KHDRBS2: variants seen among roughly 807,000 people sequenced by gnomAD.
KHDRBS2 encodes the protein KH domain-containing, RNA-binding, signal transduction-associated protein 2.
Under a neutral mutation model 44.3 loss-of-function variants are expected in KHDRBS2, and 26 were observed. The observed-to-expected ratio is 0.59, with a 90% confidence interval of 0.43 to 0.81. The LOEUF (loss-of-function observed/expected upper bound fraction) is 0.81, where lower values mean the gene tolerates loss of function less well. KHDRBS2 is among the 40% of genes least tolerant of loss of function. KHDRBS2 has a pLI of 0.00. For missense variants in KHDRBS2, 476 were observed against 433.1 expected (o/e 1.10, Z -0.88); for synonymous variants, 194 against 151.1 (o/e 1.28, Z -2.08).
the KHDRBS2 span, among the ~76,000 whole-genome samples, chr6:61,550,335 C>T: frequency 2.0e-5 from 3 of 152,084 alleles, no homozygotes; most frequent in Non-Finnish European, 4.4e-5. Context: ...AGGATACTAT[C>T]GTCCAGTTCT....
chr6:61,705,363 A>G (rs1769347417), intron 7 of KHDRBS2, among the ~76,000 whole-genome samples: 1 of 151,848 alleles, frequency 6.6e-6, no homozygotes, highest in Non-Finnish European at 1.5e-5. Flanking sequence ...CAAGAAACAA[A>G]AATAACCATA....
At chr6:61,827,049 G>A (rs1244808965) in intron 6 of KHDRBS2, among the ~76,000 whole-genome samples, 1 of 152,140 alleles carries the variant, frequency 6.6e-6, no homozygotes, top group African/African-American at 2.4e-5. Context: ...ATATATGACA[G>A]CCATGTCAAT....
chr6:61,967,932 G>GTGTA (rs1770445177), intron 4 of KHDRBS2, among the ~76,000 whole-genome samples: 1 of 117,014 alleles, frequency 8.5e-6, no homozygotes, highest in Non-Finnish European at 1.7e-5. Context: ...ATACACACAC[G>GTGTA]TATATATATA....
intron 2 of KHDRBS2, among the ~76,000 whole-genome samples, chr6:62,139,440 T>C (rs1015978158): frequency 3.3e-5 from 5 of 151,444 alleles, no homozygotes; most frequent in Non-Finnish European, 5.9e-5. Flanking sequence ...GTAGTCCCAG[T>C]TACTTGGGAG....
chr6:61,820,277 A>T (rs1281710029), intron 6 of KHDRBS2, among the ~76,000 whole-genome samples: 1 of 152,082 alleles, frequency 6.6e-6, no homozygotes, highest in Non-Finnish European at 1.5e-5. Context: ...ATGATGGCTC[A>T]GATCAGACCA....
chr6:61,664,763 T>A, the KHDRBS2 span, among the ~76,000 whole-genome samples: 1 of 151,734 alleles, frequency 6.6e-6, no homozygotes, highest in African/African-American at 2.4e-5. Flanking sequence ...CAATGAGTTT[T>A]TCATTCTTTA....
chr6:62,199,075 AT>A (rs934971924), intron 1 of KHDRBS2, among the ~76,000 whole-genome samples: 2 of 152,220 alleles, frequency 1.3e-5, no homozygotes. Flanking sequence ...TTAGGTATTA[AT>A]GGGACGTATT....
At chr6:61,861,852 A>T (rs1403555142) in intron 6 of KHDRBS2, among the ~76,000 whole-genome samples, 2 of 152,126 alleles carry the variant, frequency 1.3e-5, no homozygotes, top group African/African-American at 4.8e-5. Flanking sequence ...TGAGCTTGGA[A>T]TCTTTTTCCA....
At chr6:61,952,012 TTGCAC>T (rs1171829611) in intron 4 of KHDRBS2, among the ~76,000 whole-genome samples, 1 of 152,076 alleles carries the variant, frequency 6.6e-6, no homozygotes, top group Non-Finnish European at 1.5e-5. Context: ...ACTAAAAAGT[TTGCAC>T]TGGAGAATAA....
intron 3 of KHDRBS2, among the ~76,000 whole-genome samples, chr6:62,037,862 A>T (rs1279412868): frequency 1.3e-5 from 2 of 152,084 alleles, no homozygotes; most frequent in African/African-American, 2.4e-5. Context: ...TAGTATTTTC[A>T]AAATTAAAAC....
intron 2 of KHDRBS2, 56 bp from the exon 3 acceptor site, chr6:62,048,050 G>A: frequency 1.0e-6 from 1 of 966,478 alleles, no homozygotes; most frequent in Admixed American, 1.7e-5. Flanking sequence ...GTGATTATTT[G>A]CACCAAGAGT....
chr6:62,170,866 CCT>C (rs1371291663), intron 2 of KHDRBS2, among the ~76,000 whole-genome samples: 1 of 151,730 alleles, frequency 6.6e-6, no homozygotes, highest in Non-Finnish European at 1.5e-5. Context: ...GCTGTGGCCC[CCT>C]GAAATATTCC....
At chr6:61,865,228 C>T (rs1357891959) in intron 6 of KHDRBS2, among the ~76,000 whole-genome samples, 1 of 152,126 alleles carries the variant, frequency 6.6e-6, no homozygotes, top group Non-Finnish European at 1.5e-5. Flanking sequence ...TCCTTTGGTT[C>T]AGCAAAGTTC....
At chr6:61,677,986 C>G (rs1217122871), downstream of KHDRBS2, among the ~76,000 whole-genome samples, 2 of 151,766 alleles carry the variant, frequency 1.3e-5, no homozygotes, top group African/African-American at 4.8e-5. Flanking sequence ...CTCCTACAGC[C>G]GATCATTAAA....
chr6:61,953,841 G>C (rs553638674), intron 4 of KHDRBS2, among the ~76,000 whole-genome samples: 1 of 152,126 alleles, frequency 6.6e-6, no homozygotes, highest in Non-Finnish European at 1.5e-5. Flanking sequence ...GTGAGGGGAA[G>C]GGCATGGGCC....
intron 1 of KHDRBS2, among the ~76,000 whole-genome samples, chr6:62,240,778 C>T (rs1450489577): frequency 2.8e-5 from 4 of 143,210 alleles, no homozygotes; most frequent in Non-Finnish European, 6.0e-5. Context: ...TTATTCTAGT[C>T]TTCTCCCCTT....
chr6:61,775,291 G>T lies in KHDRBS2; in HGVS notation c.811-42527C>A, dbSNP rs114505181. ...AACATAGTATTGGAATTTCTGGCCAGGGCAATCAAGCAGCAGAAGGAAATA... is the reference window on the plus strand; with the variant it reads ...AACATAGTATTGGAATTTCTGGCCATGGCAATCAAGCAGCAGAAGGAAATA... On this transcript the variant is annotated intron_variant, in intron 6 of 8. Coordinates refer to ENST00000281156, the MANE Select transcript of KHDRBS2 (RefSeq NM_152688.4). Among the ~76,000 whole-genome samples the T allele has an allele frequency of 4.6e-3, 707 of 152,118 alleles. 1 individual carries two copies. Among genetic ancestry groups the T allele is most frequent in the Non-Finnish European group, 7.8e-3 (533 of 68,014 alleles).
At chr6:62,014,578 A>C (rs940780313) in intron 3 of KHDRBS2, among the ~76,000 whole-genome samples, 1 of 152,194 alleles carries the variant, frequency 6.6e-6, no homozygotes, top group Non-Finnish European at 1.5e-5. Context: ...AATAAATGAC[A>C]AAAAATAATT....
At chr6:61,876,607 T>C (rs548795186) in intron 6 of KHDRBS2, among the ~76,000 whole-genome samples, 17 of 152,058 alleles carry the variant, frequency 1.1e-4, no homozygotes, top group Non-Finnish European at 2.5e-4. Flanking sequence ...AATGAGATTG[T>C]TTTCTCCTTT....
Sources: gnomAD v4.1 joint callset for allele counts (sites outside exome capture counted in the v4.1 genomes callset) on GRCh38, gnomAD v4.1.1 for gene constraint, MANE v1.5 for transcripts, NCBI Gene and HGNC (gene_info 2026-07-23, HGNC 2026-07-21) for gene names.